Variants in ASIC2 observed in about 807,000 individuals in gnomAD.
The protein encoded by ASIC2 is acid-sensing ion channel 2.
In ASIC2, 25 loss-of-function variants were observed where a neutral mutation model predicts 57.3. The ratio of observed to expected loss-of-function variants is 0.44; its 90% CI spans 0.32 to 0.61. The LOEUF (loss-of-function observed/expected upper bound fraction) is 0.61. Ranked by LOEUF, ASIC2 falls within the 20% of genes least tolerant of loss-of-function variation. ASIC2 has a pLI of 0.06. For missense variants in ASIC2, 641 were observed against 738.1 expected, an observed-to-expected ratio of 0.87 and a Z score of 1.52; for synonymous variants, 319 against 307.5, an observed-to-expected ratio of 1.04 and a Z score of -0.39.
At chr17:33,356,740 T>C (rs1015038440) in intron 1 of ASIC2, among the ~76,000 whole-genome samples, 2 of 152,104 alleles carry the variant, frequency 1.3e-5, no homozygotes, top group African/African-American at 4.8e-5. Flanking sequence ...CCGAGGAGCA[T>C]GAAGATCTCA....
intron 1 of ASIC2, among the ~76,000 whole-genome samples, chr17:33,662,607 A>C (rs1384689280): frequency 2.0e-5 from 3 of 150,776 alleles, no homozygotes; most frequent in Non-Finnish European, 4.4e-5. Context: ...TGGGTGACAA[A>C]GCAAGACTCT....
chr17:33,210,926 A>G (rs796265344), intron 1 of ASIC2, among the ~76,000 whole-genome samples: 7 of 152,362 alleles, frequency 4.6e-5, no homozygotes, highest in African/African-American at 1.7e-4. Flanking sequence ...TCCCAGAGCC[A>G]GTATGTGGCT....
At chr17:33,476,544 GGT>G (rs59467363) in intron 1 of ASIC2, among the ~76,000 whole-genome samples, 36,532 of 104,136 alleles carry the variant, frequency 0.35, 4,709 homozygotes, top group Non-Finnish European at 0.38. Context: ...TATGTACAGG[GGT>G]GTGTGTGTGT....
chr17:34,081,418 A>C (rs1909878088), intron 1 of ASIC2, among the ~76,000 whole-genome samples: 1 of 152,120 alleles, frequency 6.6e-6, no homozygotes, highest in Non-Finnish European at 1.5e-5. Flanking sequence ...GAAGCTTTGC[A>C]CCAGAGGGTA....
chr17:34,141,898 GTT>G (rs1912282503), intron 1 of ASIC2, among the ~76,000 whole-genome samples: 1 of 152,142 alleles, frequency 6.6e-6, no homozygotes, highest in African/African-American at 2.4e-5. Flanking sequence ...GCCCCTGTTT[GTT>G]TAATCTCAGC....
chr17:33,146,794 G>A (rs901447746), intron 1 of ASIC2, among the ~76,000 whole-genome samples: 2 of 152,216 alleles, frequency 1.3e-5, no homozygotes, highest in African/African-American at 4.8e-5. Flanking sequence ...AGAAGGAGGA[G>A]GATGCATTTG....
At chr17:34,128,064 C>A (rs1911840402) in intron 1 of ASIC2, among the ~76,000 whole-genome samples, 1 of 152,084 alleles carries the variant, frequency 6.6e-6, no homozygotes, top group South Asian at 2.1e-4. Context: ...CCCACGGGTG[C>A]CTAACACCTT....
At chr17:33,508,679 T>C (rs373823681) in intron 1 of ASIC2, among the ~76,000 whole-genome samples, 1 of 152,126 alleles carries the variant, frequency 6.6e-6, no homozygotes, top group Admixed American at 6.5e-5. Flanking sequence ...ATGTGGCAGG[T>C]AGGAGCTTGA....
intron 1 of ASIC2, among the ~76,000 whole-genome samples, chr17:33,206,305 G>C (rs899985168): frequency 1.3e-5 from 2 of 152,150 alleles, no homozygotes; most frequent in African/African-American, 2.4e-5. Flanking sequence ...TTGGAGGGAG[G>C]GAGGGAGAGG....
Position 33,750,594 on chromosome 17 carries a change from A to G in ASIC2, c.555+405384T>C, listed in dbSNP as rs74873723. Among the ~76,000 whole-genome samples, 452 of 152,298 alleles carry G rather than the reference A, an allele frequency of 3.0e-3. 2 individuals are homozygous for G. Among genetic ancestry groups the G allele is most frequent in the African/African-American group, 0.01 (436 of 41,560 alleles). ...CTTAGTGCCCAAGACCCTACAGTTA[A>G]TAACTCCGAACAGTGCCCATGACCT... On this transcript the variant is annotated intron_variant, in intron 1 of 9. Coordinates refer to the ASIC2 transcript ENST00000359872.
intron 1 of ASIC2, among the ~76,000 whole-genome samples, chr17:33,957,193 G>A (rs1286153949): frequency 1.3e-5 from 2 of 152,094 alleles, no homozygotes; most frequent in African/African-American, 2.4e-5. Flanking sequence ...CTCTGAATTC[G>A]ACTCTGACCC....
intron 1 of ASIC2, among the ~76,000 whole-genome samples, chr17:34,047,753 G>T (rs1436210185): frequency 2.0e-5 from 3 of 152,058 alleles, no homozygotes; most frequent in African/African-American, 7.2e-5. Context: ...GAATGCATGG[G>T]CTCACTCTCT....
At chr17:33,700,224 C>T (rs181086962) in intron 1 of ASIC2, among the ~76,000 whole-genome samples, 8 of 152,110 alleles carry the variant, frequency 5.3e-5, no homozygotes, top group Non-Finnish European at 8.8e-5. Context: ...ATCTTCCTGC[C>T]GACTCAGGGA....
chr17:33,099,833 C>T (rs150446534), intron 2 of ASIC2: 1 of 152,206 alleles, frequency 6.6e-6, no homozygotes. Context: ...TACAACCAGA[C>T]TGCTGAGTGG....
At chr17:34,134,853 G>A (rs185298676) in intron 1 of ASIC2, among the ~76,000 whole-genome samples, 44 of 152,260 alleles carry the variant, frequency 2.9e-4, no homozygotes, top group African/African-American at 1.0e-3. Context: ...GAATCCTGGG[G>A]CCACCCCCTA....
At chr17:33,443,694 G>A (rs1911913048) in intron 1 of ASIC2, among the ~76,000 whole-genome samples, 1 of 151,862 alleles carries the variant, frequency 6.6e-6, no homozygotes, top group Admixed American at 6.6e-5. Context: ...GGGATTACAG[G>A]CGTGAGCCAC....
At chr17:33,756,681 T>G (rs1052841503) in intron 1 of ASIC2, among the ~76,000 whole-genome samples, 1 of 152,152 alleles carries the variant, frequency 6.6e-6, no homozygotes, top group Admixed American at 6.5e-5. Context: ...GTAGGAAAGT[T>G]ACTAAACACT....
chr17:33,585,433 A>G (rs994195982), intron 1 of ASIC2, among the ~76,000 whole-genome samples: 4 of 152,230 alleles, frequency 2.6e-5, no homozygotes, highest in Non-Finnish European at 4.4e-5. Context: ...TTATTGAGAA[A>G]TCATTAAGTT....
chr17:33,804,568 G>A (rs1358488584), intron 1 of ASIC2, among the ~76,000 whole-genome samples: 1 of 152,184 alleles, frequency 6.6e-6, no homozygotes, highest in East Asian at 1.9e-4. Context: ...CTGGGTGCTG[G>A]GTGGAGCCCA....
Sources: allele counts gnomAD v4.1 joint callset (sites outside exome capture counted in the v4.1 genomes callset), GRCh38; gene constraint gnomAD v4.1.1; transcripts MANE v1.5; gene names NCBI Gene and HGNC (gene_info 2026-07-23, HGNC 2026-07-21).